The following SMAD9 variants were observed in gnomAD, a reference collection of about 807,000 sequenced individuals.
SMAD9 encodes the protein MAD homolog 9.
SMAD9 carries 36 observed loss-of-function variants against 46.1 expected under a neutral mutation model. The ratio of observed to expected loss-of-function variants is 0.78; its 90% CI spans 0.60 to 1.03. The LOEUF is 1.03. Ranked by LOEUF, SMAD9 falls within the 50% of genes least tolerant of loss-of-function variation. SMAD9 has a pLI of 0.00. For missense variants in SMAD9, 572 were observed against 599.8 expected, an observed-to-expected ratio of 0.95 and a Z score of 0.48; for synonymous variants, 245 against 237.1, an observed-to-expected ratio of 1.03 and a Z score of -0.31.
intron 4 of SMAD9, among the ~76,000 whole-genome samples, chr13:36,866,341 G>A (rs1054521641): frequency 4.1e-5 from 6 of 146,606 alleles, no homozygotes; most frequent in Non-Finnish European, 5.9e-5. Flanking sequence ...ATCTAGTTAT[G>A]CATGGAAAAA....
chr13:36,889,435 C>T (rs959330795), intron 1 of SMAD9, among the ~76,000 whole-genome samples: 1 of 152,182 alleles, frequency 6.6e-6, no homozygotes. Flanking sequence ...TGTCCTAAAA[C>T]TCTACTTAAA....
Position 36,920,215 on chromosome 13 carries a change from G to GCGGCGT in SMAD9, c.-287_-286insACGCCG, listed in dbSNP as rs1275899978. ...GGCGGCGGCGGCGGCGGCGGCGGCG[G>GCGGCGT]CCCCAGCCGGCGTCAGTCAGACTGG... On this transcript the variant is annotated 5_prime_UTR_variant, in exon 1 of 7. Transcript: ENST00000379826. 6.1e-6 allele frequency: 1 copy of GCGGCGT among 163,296 alleles called. No homozygotes were observed. The highest frequency in any genetic ancestry group is 1.7e-4 in the East Asian group (1 of 5,726). The allele number at this position is 163,296 out of a possible 1,614,324, so 10.1% of individuals were successfully genotyped here.
chr13:36,890,978 T>A (rs889593921), intron 1 of SMAD9, among the ~76,000 whole-genome samples: 1 of 152,166 alleles, frequency 6.6e-6, no homozygotes, highest in East Asian at 1.9e-4. Context: ...GAATCTCTCA[T>A]ATGCTAACTC....
chr13:36,914,936 T>C (rs147208947), intron 1 of SMAD9, among the ~76,000 whole-genome samples: 3 of 152,368 alleles, frequency 2.0e-5, no homozygotes, highest in Non-Finnish European at 2.9e-5. Flanking sequence ...TGCACAATTA[T>C]TGCGTTTTGT....
intron 1 of SMAD9, among the ~76,000 whole-genome samples, chr13:36,919,838 A>ATT (rs1566046949): frequency 1.0e-4 from 1 of 9,892 alleles, no homozygotes; most frequent in Non-Finnish European, 2.2e-4. Flanking sequence ...ACCCCACCCC[A>ATT]CTCCACCCCA....
chr13:36,910,695 AGCT>A (rs762536252), intron 1 of SMAD9, among the ~76,000 whole-genome samples: 4 of 152,104 alleles, frequency 2.6e-5, no homozygotes, highest in Non-Finnish European at 5.9e-5. Flanking sequence ...TTCAAAACAG[AGCT>A]GGAAGCCAAC....
At chr13:36,919,906 G>A (rs1416993636) in intron 1 of SMAD9, among the ~76,000 whole-genome samples, 4 of 134,194 alleles carry the variant, frequency 3.0e-5, no homozygotes, top group African/African-American at 1.1e-4. Flanking sequence ...GCCTCACGCC[G>A]AGGAGCCTCC....
At chr13:36,855,470 T>TG (rs1416324018) in intron 5 of SMAD9, among the ~76,000 whole-genome samples, 1 of 152,014 alleles carries the variant, frequency 6.6e-6, no homozygotes, top group Non-Finnish European at 1.5e-5. Context: ...CCACTTTTGA[T>TG]GGGGAAAAAA....
chr13:36,879,151 C>T, intron 2 of SMAD9, 127 bp downstream of exon 2: 1 of 729,526 alleles, frequency 1.4e-6, no homozygotes, highest in Non-Finnish European at 2.1e-6. Context: ...ACTGAACCTC[C>T]CTCTCCTCTC....
intron 3 of SMAD9, among the ~76,000 whole-genome samples, chr13:36,872,261 T>C (rs576052400): frequency 7.2e-4 from 110 of 151,800 alleles, no homozygotes; most frequent in African/African-American, 2.6e-3. Flanking sequence ...CTTTGATTGT[T>C]GAAAGAGGCA....
chr13:36,889,577 T>C (rs1443128335), intron 1 of SMAD9, among the ~76,000 whole-genome samples: 1 of 152,210 alleles, frequency 6.6e-6, no homozygotes. Context: ...TTTATTTTTA[T>C]TAGACTGCTT....
intron 1 of SMAD9, among the ~76,000 whole-genome samples, chr13:36,912,670 G>T (rs17054711): frequency 0.047 from 7,118 of 152,182 alleles, 383 homozygotes; most frequent in East Asian, 0.18. Context: ...ACAGACTCAG[G>T]AAGTAGTGAA....
At chr13:36,904,001 C>T (rs1425523872) in intron 1 of SMAD9, among the ~76,000 whole-genome samples, 1 of 151,874 alleles carries the variant, frequency 6.6e-6, no homozygotes, top group Non-Finnish European at 1.5e-5. Flanking sequence ...TATGGAAATC[C>T]AAAGAGCACC....
At chr13:36,876,380 T>C (rs2058345531) in intron 2 of SMAD9, among the ~76,000 whole-genome samples, 1 of 152,228 alleles carries the variant, frequency 6.6e-6, no homozygotes, top group African/African-American at 2.4e-5. Context: ...CAGTCTTGCA[T>C]GGCTTCCACC....
chr13:36,904,027 A>G (rs979554573), intron 1 of SMAD9, among the ~76,000 whole-genome samples: 4 of 152,198 alleles, frequency 2.6e-5, no homozygotes, highest in African/African-American at 4.8e-5. Context: ...GTTAATATAT[A>G]TTATGTAAAC....
At chr13:36,870,360 T>G (rs1322727116) in intron 3 of SMAD9, among the ~76,000 whole-genome samples, 1 of 152,210 alleles carries the variant, frequency 6.6e-6, no homozygotes, top group African/African-American at 2.4e-5. Context: ...TCTTTCTCAG[T>G]GAACTCAGCC....
At chr13:36,905,774 C>CAAAAAAAAAAAAA (rs60358673) in intron 1 of SMAD9, among the ~76,000 whole-genome samples, 11 of 66,452 alleles carry the variant, frequency 1.7e-4, no homozygotes, top group Admixed American at 2.3e-4. Flanking sequence ...GACCCTGTCT[C>CAAAAAAAAAAAAA]AAAAAAAAAA....
At chr13:36,855,251 C>CAAAAAAAAAAAAAAAAAAAAAAAAAA (rs1198605048) in intron 5 of SMAD9, among the ~76,000 whole-genome samples, 1 of 45,974 alleles carries the variant, frequency 2.2e-5, no homozygotes, top group African/African-American at 8.6e-5. Flanking sequence ...GAGTCCATCT[C>CAAAAAAAAAAAAAAAAAAAAAAAAAA]AAAAAAAAAA....
chr13:36,888,759 T>A (rs909251140), intron 1 of SMAD9, among the ~76,000 whole-genome samples: 1 of 152,098 alleles, frequency 6.6e-6, no homozygotes, highest in Non-Finnish European at 1.5e-5. Context: ...AGTGAGGAAG[T>A]GGGGAGACAT....
Sources: gnomAD v4.1 joint callset for allele counts (sites outside exome capture counted in the v4.1 genomes callset) on GRCh38, gnomAD v4.1.1 for gene constraint, MANE v1.5 for transcripts, NCBI Gene and HGNC (gene_info 2026-07-23, HGNC 2026-07-21) for gene names.